Variants in ERC2 observed in about 807,000 individuals in gnomAD.
The protein encoded by ERC2 is ELKS/RAB6-interacting/CAST family member 2.
Under a neutral mutation model 114.8 loss-of-function variants are expected in ERC2, and 42 were observed. The observed-to-expected ratio is 0.37, with a 90% CI of 0.29 to 0.47. The LOEUF (loss-of-function observed/expected upper bound fraction) is 0.47. ERC2 is among the 20% of genes least tolerant of loss of function. The pLI is 0.99. For synonymous variants in ERC2, 454 were observed against 425.5 expected (o/e 1.07, Z -0.82); for missense variants, 939 against 1,150.7 (o/e 0.82, Z 2.66).
intron 3 of ERC2, among the ~76,000 whole-genome samples, chr3:56,194,605 G>A (rs926204541): frequency 6.6e-6 from 1 of 152,150 alleles, no homozygotes; most frequent in African/African-American, 2.4e-5. Flanking sequence ...GGACATTATT[G>A]TACACTACTG....
intron 6 of ERC2, among the ~76,000 whole-genome samples, chr3:56,121,844 G>A (rs953153755): frequency 3.9e-5 from 6 of 152,066 alleles, no homozygotes; most frequent in Non-Finnish European, 4.4e-5. Flanking sequence ...GAGGCTTACC[G>A]TGCCCAGGAG....
chr3:55,511,395 G>T (rs1255515223), intron 17 of ERC2, 119 bp from the exon 18 acceptor site: 2 of 152,530 alleles, frequency 1.3e-5, no homozygotes, highest in African/African-American at 2.4e-5. Flanking sequence ...CACTCTCAAT[G>T]GTTGGGGTTG....
At chr3:55,545,237 T>A (rs1559628475) in intron 17 of ERC2, among the ~76,000 whole-genome samples, 2 of 152,178 alleles carry the variant, frequency 1.3e-5, no homozygotes, top group Non-Finnish European at 2.9e-5. Context: ...CTAATAGAAC[T>A]CCCTGCGTCA....
At chr3:56,059,635 T>G (rs1340241878) in intron 7 of ERC2, among the ~76,000 whole-genome samples, 5 of 152,224 alleles carry the variant, frequency 3.3e-5, no homozygotes, top group African/African-American at 7.2e-5. Context: ...ATTCTCTGTA[T>G]TTAAGTCTTT....
intron 2 of ERC2, among the ~76,000 whole-genome samples, chr3:56,372,482 C>T (rs1240330479): frequency 1.3e-5 from 2 of 152,100 alleles, no homozygotes; most frequent in South Asian, 2.1e-4. Context: ...AATTCCAACA[C>T]TTTGGGAGGC....
At position 55,970,359 on chromosome 3, in the gene ERC2, A is replaced by G. The variant is rs1164172785; in HGVS notation, c.2267+15618T>C. Among the ~76,000 whole-genome samples the G allele has an allele frequency of 2.0e-5, 3 of 152,074 alleles. No individual in the cohort carries two copies. The East Asian group carries it at 5.8e-4, about 29-fold the overall frequency. On this transcript the variant is annotated intron_variant, in intron 12 of 17. Transcript: ENST00000288221. ...TAAAAGGACATATCAAATACTAATA[A>G]TTACTAATTAGTAATATTACTAATT...
At chr3:56,253,743 C>G (rs12495038) in intron 3 of ERC2, among the ~76,000 whole-genome samples, 69,374 of 151,558 alleles carry the variant, frequency 0.46, 16,047 homozygotes, top group Middle Eastern at 0.48. Flanking sequence ...ATATGAGATA[C>G]AAATGCTAAA....
intron 2 of ERC2, among the ~76,000 whole-genome samples, chr3:56,332,961 A>G (rs1415450571): frequency 1.3e-5 from 2 of 152,374 alleles, no homozygotes; most frequent in African/African-American, 4.8e-5. Context: ...CTTGGCCTTA[A>G]AAGAAAGAAC....
chr3:55,540,439 G>T (rs950504932), intron 17 of ERC2, among the ~76,000 whole-genome samples: 40 of 152,168 alleles, frequency 2.6e-4, no homozygotes, highest in African/African-American at 8.4e-4. Flanking sequence ...ATTTAAGGCT[G>T]ATCTTTTCTG....
At chr3:56,226,005 TGAA>T (rs2050226131) in intron 3 of ERC2, among the ~76,000 whole-genome samples, 1 of 152,234 alleles carries the variant, frequency 6.6e-6, no homozygotes, top group African/African-American at 2.4e-5. Flanking sequence ...TTCTGTTTAT[TGAA>T]GTACTATCGC....
chr3:55,878,384 C>T (rs539317980), intron 14 of ERC2, among the ~76,000 whole-genome samples: 1 of 152,222 alleles, frequency 6.6e-6, no homozygotes, highest in East Asian at 1.9e-4. Flanking sequence ...CCAACTAGTT[C>T]TCCTCAGGCC....
At chr3:56,447,350 A>C (rs1016099361) in intron 1 of ERC2, among the ~76,000 whole-genome samples, 2 of 152,174 alleles carry the variant, frequency 1.3e-5, no homozygotes, top group African/African-American at 4.8e-5. Context: ...TGATTTCCAG[A>C]TTTGGATGTG....
At chr3:55,773,662 A>G (rs962471497) in intron 14 of ERC2, among the ~76,000 whole-genome samples, 1 of 152,246 alleles carries the variant, frequency 6.6e-6, no homozygotes, top group Non-Finnish European at 1.5e-5. Context: ...CGCACAAAGT[A>G]GGCCCCCAGT....
intron 17 of ERC2, among the ~76,000 whole-genome samples, chr3:55,664,931 C>A (rs1241373169): frequency 6.6e-6 from 1 of 152,152 alleles, no homozygotes; most frequent in African/African-American, 2.4e-5. Context: ...TTAACAGACA[C>A]TGAATCCCCA....
chr3:55,762,918 A>G (rs572697052), intron 14 of ERC2, among the ~76,000 whole-genome samples: 8 of 152,370 alleles, frequency 5.3e-5, no homozygotes, highest in Admixed American at 4.6e-4. Flanking sequence ...GTTCAGTTCA[A>G]CTTAACAACT....
intron 14 of ERC2, among the ~76,000 whole-genome samples, chr3:55,781,236 A>G (rs2069016749): frequency 6.6e-6 from 1 of 152,144 alleles, no homozygotes; most frequent in South Asian, 2.1e-4. Flanking sequence ...GACACCCCAT[A>G]TTTATCACTG....
chr3:55,852,121 G>A (rs2061599222), intron 14 of ERC2, among the ~76,000 whole-genome samples: 1 of 152,186 alleles, frequency 6.6e-6, no homozygotes, highest in African/African-American at 2.4e-5. Context: ...TCAGGAGGCT[G>A]AGGCAGGAGA....
At chr3:56,267,505 CTCACGCCTGTAA>C (rs1333821874) in intron 3 of ERC2, among the ~76,000 whole-genome samples, 2 of 152,056 alleles carry the variant, frequency 1.3e-5, no homozygotes, top group Non-Finnish European at 2.9e-5. Flanking sequence ...GGCGCAGTGG[CTCACGCCTGTAA>C]TCCCAGCACT....
At chr3:55,784,140 G>A (rs1336691725) in intron 14 of ERC2, among the ~76,000 whole-genome samples, 1 of 152,050 alleles carries the variant, frequency 6.6e-6, no homozygotes, top group African/African-American at 2.4e-5. Context: ...TGTAAAAAGA[G>A]GCAAAATTCT....
Sources: gnomAD v4.1 joint callset for allele counts (sites outside exome capture counted in the v4.1 genomes callset) on GRCh38, gnomAD v4.1.1 for gene constraint, MANE v1.5 for transcripts, NCBI Gene and HGNC (gene_info 2026-07-23, HGNC 2026-07-21) for gene names.